Variants in INSR observed in about 807,000 individuals in gnomAD.
INSR encodes insulin receptor.
INSR carries 67 observed loss-of-function variants against 142.6 expected under a neutral mutation model. The observed-to-expected ratio is 0.47, with a 90% CI of 0.39 to 0.58. The LOEUF (loss-of-function observed/expected upper bound fraction) is 0.58. Ranked by LOEUF, INSR falls within the 20% of genes least tolerant of loss-of-function variation. The pLI is 0.00. For missense variants in INSR, 1,248 were observed against 1,833.2 expected, an observed-to-expected ratio of 0.68 and a Z score of 5.83; for synonymous variants, 756 against 743.1, an observed-to-expected ratio of 1.02 and a Z score of -0.28.
At chr19:7,141,029 T>C (rs1973058854) in intron 13 of INSR, among the ~76,000 whole-genome samples, 1 of 152,156 alleles carries the variant, frequency 6.6e-6, no homozygotes, top group African/African-American at 2.4e-5. Flanking sequence ...CTAATGAAAG[T>C]AACTTATAAG....
intron 7 of INSR, 29 bp downstream of exon 7, chr19:7,167,939 C>T (rs1303903995): frequency 6.2e-7 from 1 of 1,613,568 alleles, no homozygotes; most frequent in Middle Eastern, 1.7e-4. Flanking sequence ...CCCTCGCCTC[C>T]TCAGCGTCTC....
At chr19:7,211,051 C>T (rs1975259529) in intron 2 of INSR, among the ~76,000 whole-genome samples, 1 of 151,994 alleles carries the variant, frequency 6.6e-6, no homozygotes, top group South Asian at 2.1e-4. Context: ...AAAATTGTCC[C>T]CTTGGGGCCT....
At chr19:7,130,805 CTTTT>C (rs1972758500) in intron 14 of INSR, among the ~76,000 whole-genome samples, 2 of 151,712 alleles carry the variant, frequency 1.3e-5, no homozygotes, top group African/African-American at 2.4e-5. Flanking sequence ...CTTTTTCTTT[CTTTT>C]ATCTCTCTTT....
intron 9 of INSR, among the ~76,000 whole-genome samples, chr19:7,158,384 C>A (rs964917211): frequency 1.3e-5 from 2 of 152,006 alleles, no homozygotes; most frequent in Admixed American, 6.6e-5. Flanking sequence ...GCCTGTAGTC[C>A]CAGCTACTCG....
At chr19:7,160,016 G>T (rs1020553662) in intron 9 of INSR, among the ~76,000 whole-genome samples, 1 of 152,094 alleles carries the variant, frequency 6.6e-6, no homozygotes, top group Admixed American at 6.6e-5. Context: ...AGAAGGAAAT[G>T]GGCCCAGCGC....
At chr19:7,212,595 G>A (rs774563315) in intron 2 of INSR, among the ~76,000 whole-genome samples, 1 of 151,900 alleles carries the variant, frequency 6.6e-6, no homozygotes, top group South Asian at 2.1e-4. Flanking sequence ...TTATTTTTGG[G>A]TTTTTTTGAG....
At chr19:7,254,410 T>G (rs1976828615) in intron 2 of INSR, among the ~76,000 whole-genome samples, 1 of 152,074 alleles carries the variant, frequency 6.6e-6, no homozygotes, top group East Asian at 1.9e-4. Flanking sequence ...GCACCCATAG[T>G]TCCAGCTACT....
At chr19:7,180,196 A>T (rs1974237716) in intron 3 of INSR, among the ~76,000 whole-genome samples, 1 of 152,118 alleles carries the variant, frequency 6.6e-6, no homozygotes, top group South Asian at 2.1e-4. Context: ...TAGCTGATAC[A>T]CTCACAAAGC....
intron 9 of INSR, among the ~76,000 whole-genome samples, chr19:7,156,782 C>CTTTTTTTTTTTTTTTTTTTTTTTTTTT: frequency 1.6e-5 from 1 of 63,184 alleles, no homozygotes; most frequent in Non-Finnish European, 2.9e-5. Context: ...CTATTTCTCT[C>CTTTTTTTTTTTTTTTTTTTTTTTTTTT]TTTTTTTTTT....
chr19:7,188,870 C>CAAAAAAAAAAA (rs10549803), intron 2 of INSR, among the ~76,000 whole-genome samples: 1 of 71,824 alleles, frequency 1.4e-5, no homozygotes, highest in African/African-American at 5.0e-5. Context: ...GACTCTATCT[C>CAAAAAAAAAAA]AAAAAAAAAA....
chr19:7,284,276 G>T (rs980870202), intron 1 of INSR, among the ~76,000 whole-genome samples: 4 of 151,974 alleles, frequency 2.6e-5, no homozygotes, highest in Non-Finnish European at 5.9e-5. Context: ...TGTTGCCCAG[G>T]CTGGTCTCAA....
chr19:7,166,280 G>A lies in INSR; in HGVS notation c.1735C>T (p.Leu579=). The part of the protein sequence containing the change: ...DPKSQNHPGW[L]MRGLKPWTQY... ...GTCCAGGGCTTGAGACCCCGCATCA[G>A]CCACCCTGGGTGGTTCTGTGATTTG... Residue 579 remains leucine (L), a synonymous_variant, in exon 8 of 22, where the codon CTG becomes TTG. Coordinates refer to ENST00000302850, the MANE Select transcript of INSR (RefSeq NM_000208.4). The surrounding 1 kb of genome is among the most constrained non-coding windows in gnomAD (Gnocchi z 4.1). The A allele has an allele frequency of 6.2e-7, 1 of 1,614,162 alleles. No homozygotes were observed. The highest frequency in any genetic ancestry group is 2.2e-5 in the East Asian group (1 of 44,880).
In INSR at chr19:7,134,913, A is replaced by C. The variant is rs189857936; in HGVS notation, c.2683-2596T>G. On this transcript the variant is annotated intron_variant, in intron 13 of 21. Transcript: ENST00000302850. ...TGTGATAAGCACGTAACTAGAGATA[A>C]TTCCAGAACTTATGAGAAGAGACAG... Among the ~76,000 whole-genome samples the C allele has an allele frequency of 1.5e-3, 226 of 152,132 alleles. 2 individuals are homozygous for C. Among genetic ancestry groups the C allele is most frequent in the African/African-American group, 5.1e-3 (213 of 41,536 alleles).
intron 14 of INSR, 74 bp downstream of exon 14, chr19:7,132,084 C>T: frequency 6.3e-7 from 1 of 1,590,564 alleles, no homozygotes; most frequent in Non-Finnish European, 8.6e-7. Context: ...CTCTCCAAGT[C>T]ATCCCCTGCA....
chr19:7,141,868 A>G, intron 12 of INSR, 52 bp from the exon 13 acceptor site: 1 of 1,451,450 alleles, frequency 6.9e-7, no homozygotes, highest in Non-Finnish European at 9.7e-7. Flanking sequence ...ATGAGATCCC[A>G]CTTCTGCCAC....
In INSR at chr19:7,294,407, G is replaced by T. The variant is rs1712747502; in HGVS notation, c.-516C>A. On this transcript the variant is annotated 5_prime_UTR_variant, in exon 1 of 22. Transcript: ENST00000302850. The stretch of plus-strand genomic sequence containing the variant: ...CGTGCGGGCCGCGGGAAAAGGCGGC[G>T]CGGATCTGGCCTAGGAAGGGACTCT... Among the ~76,000 whole-genome samples, 1 of 151,690 alleles carries T rather than the reference G, an allele frequency of 6.6e-6. No homozygotes were observed. Among genetic ancestry groups the T allele is most frequent in the African/African-American group, 2.4e-5 (1 of 41,368 alleles).
chr19:7,164,092 T>TAAAA (rs4031077), intron 8 of INSR, among the ~76,000 whole-genome samples: 12 of 80,268 alleles, frequency 1.5e-4, no homozygotes, highest in Admixed American at 3.4e-4. Flanking sequence ...GAAACTCCGT[T>TAAAA]AAAAAAAAAA....
At chr19:7,250,805 G>C (rs1976704779) in intron 2 of INSR, among the ~76,000 whole-genome samples, 2 of 152,148 alleles carry the variant, frequency 1.3e-5, no homozygotes, top group Non-Finnish European at 2.9e-5. Flanking sequence ...AATGGTACTT[G>C]TTAAATAAAG....
intron 2 of INSR, among the ~76,000 whole-genome samples, chr19:7,204,056 G>A (rs553501381): frequency 7.6e-5 from 11 of 144,386 alleles, no homozygotes; most frequent in South Asian, 2.2e-4. Context: ...TCTGCCTCCC[G>A]GGTTCAAGCA....
Sources: allele counts gnomAD v4.1 joint callset (sites outside exome capture counted in the v4.1 genomes callset), GRCh38; gene constraint gnomAD v4.1.1; non-coding constraint Gnocchi (gnomAD v3.1); transcripts MANE v1.5; gene names NCBI Gene and HGNC (gene_info 2026-07-23, HGNC 2026-07-21).